The following PDZRN3 variants were observed in gnomAD, a reference collection of about 807,000 sequenced individuals.
PDZRN3 encodes the protein PDZ domain containing ring finger 3.
In PDZRN3, 38 loss-of-function variants were observed where a neutral mutation model predicts 85.7. The observed-to-expected ratio is 0.44, with a 90% CI of 0.34 to 0.58. The LOEUF (loss-of-function observed/expected upper bound fraction) is 0.58, where lower values mean the gene tolerates loss of function less well. PDZRN3 is among the 20% of genes least tolerant of loss of function. The probability of loss-of-function intolerance (pLI) is 0.01; values close to 1 mark genes in which losing one functional copy is unlikely to be tolerated. For synonymous variants in PDZRN3, 759 were observed against 638.0 expected (o/e 1.19, Z -2.86); for missense variants, 1,629 against 1,506.4 (o/e 1.08, Z -1.35).
intron 8 of PDZRN3, among the ~76,000 whole-genome samples, chr3:73,386,225 A>ATTTTTTTTTTTTT (rs1576018763): frequency 7.8e-5 from 3 of 38,644 alleles, no homozygotes; most frequent in Admixed American, 2.6e-4. Flanking sequence ...GCAAGATATC[A>ATTTTTTTTTTTTT]CTTTTTTTTT....
At chr3:73,520,631 G>A (rs781245612) in intron 3 of PDZRN3, among the ~76,000 whole-genome samples, 2 of 152,088 alleles carry the variant, frequency 1.3e-5, no homozygotes, top group East Asian at 1.9e-4. Context: ...GCAGAGGGGC[G>A]GGAAAAGGAA....
chr3:73,389,373 C>T (rs1297083438), intron 7 of PDZRN3, among the ~76,000 whole-genome samples: 2 of 152,146 alleles, frequency 1.3e-5, no homozygotes, highest in Non-Finnish European at 2.9e-5. Context: ...ATCGATGCTG[C>T]TAAATTTGCC....
At chr3:73,536,301 T>C (rs926708230) in intron 3 of PDZRN3, among the ~76,000 whole-genome samples, 5 of 152,248 alleles carry the variant, frequency 3.3e-5, no homozygotes, top group Admixed American at 1.3e-4. Context: ...TTCCATATTC[T>C]CCTGGTGTCC....
rs772633834 is a variant in PDZRN3, at chr3:73,383,433, T to A, written c.3133A>T (p.Thr1045Ser). Reference sequence around the variant, plus strand: ...CCGTCCGGGGATTTTGTGCCGTGGGTTAAGAGTTCTTGGATCGTCATCCAG... The same window carrying A: ...CCGTCCGGGGATTTTGTGCCGTGGGATAAGAGTTCTTGGATCGTCATCCAG... Reference protein sequence around the residue: ...DNWMTIQELLTHGTKSPDGTR... With the variant: ...DNWMTIQELLSHGTKSPDGTR... Residue 1045 changes from threonine to serine, a missense_variant, in exon 10 of 10, where the codon ACC becomes TCC. Coordinates refer to ENST00000263666, the MANE Select transcript of PDZRN3 (RefSeq NM_015009.3). The A allele has an allele frequency of 5.6e-6, 9 of 1,614,058 alleles. No individual in the cohort carries two copies. The highest frequency in any genetic ancestry group is 5.1e-6 in the Non-Finnish European group (6 of 1,180,014).
intron 3 of PDZRN3, among the ~76,000 whole-genome samples, chr3:73,546,240 G>C (rs895210111): frequency 1.3e-5 from 2 of 152,214 alleles, no homozygotes; most frequent in Non-Finnish European, 2.9e-5. Context: ...GCGACCCAGT[G>C]AGGGTATTAA....
At chr3:73,419,453 A>G (rs1384969923) in intron 3 of PDZRN3, among the ~76,000 whole-genome samples, 1 of 152,212 alleles carries the variant, frequency 6.6e-6, no homozygotes, top group Admixed American at 6.5e-5. Context: ...AGAAACAGAA[A>G]TGAGCATGCT....
At chr3:73,431,544 G>A (rs1702431590) in intron 3 of PDZRN3, among the ~76,000 whole-genome samples, 1 of 152,186 alleles carries the variant, frequency 6.6e-6, no homozygotes. Context: ...TAATAAGAGC[G>A]AGAATGCAAT....
chr3:73,617,113 G>A (rs1205239537), intron 1 of PDZRN3, among the ~76,000 whole-genome samples: 2 of 152,150 alleles, frequency 1.3e-5, no homozygotes, highest in African/African-American at 4.8e-5. Flanking sequence ...TACTAGGGGT[G>A]ATCTCCTGCC....
intron 3 of PDZRN3, among the ~76,000 whole-genome samples, chr3:73,520,002 G>A (rs907312890): frequency 6.6e-5 from 10 of 152,088 alleles, no homozygotes; most frequent in South Asian, 2.1e-4. Flanking sequence ...TGGGGGTGGC[G>A]CACTGCAAAA....
intron 3 of PDZRN3, among the ~76,000 whole-genome samples, chr3:73,589,581 A>G (rs1360586627): frequency 2.6e-5 from 4 of 152,156 alleles, no homozygotes; most frequent in Non-Finnish European, 5.9e-5. Flanking sequence ...AGATTTACTA[A>G]GTCTATCAAG....
intron 3 of PDZRN3, among the ~76,000 whole-genome samples, chr3:73,557,340 C>T (rs1044571437): frequency 6.6e-6 from 1 of 152,324 alleles, no homozygotes; most frequent in South Asian, 2.1e-4. Context: ...ATATTAGAGA[C>T]AACAGCTGCT....
In PDZRN3 at chr3:73,388,037, C is replaced by T; in HGVS notation, c.1449G>A (p.Glu483=). 1 of 1,551,396 alleles carries T rather than the reference C, an allele frequency of 6.4e-7. No individual in the cohort carries two copies. The highest frequency in any genetic ancestry group is 8.8e-7 in the Non-Finnish European group (1 of 1,135,250). The change falls in exon 8 of 10, where the codon GAG becomes GAA. Residue 483 remains glutamate (E), a synonymous_variant. Coordinates refer to ENST00000263666, the MANE Select transcript of PDZRN3 (RefSeq NM_015009.3). ...CTTCACTGGTTAGAAGAGCCACAGC[C>T]TCTTCACGGTTCTGCACCTCTATCC... The part of the protein sequence containing the change: ...INGIEVQNRE[E]AVALLTSEEN...
At chr3:73,505,364 T>C (rs1170584810) in intron 3 of PDZRN3, among the ~76,000 whole-genome samples, 1 of 152,158 alleles carries the variant, frequency 6.6e-6, no homozygotes. Flanking sequence ...CACCCAACTA[T>C]CTTTACTCCA....
intron 3 of PDZRN3, among the ~76,000 whole-genome samples, chr3:73,472,771 T>C (rs901992265): frequency 1.3e-5 from 2 of 152,188 alleles, no homozygotes; most frequent in Non-Finnish European, 2.9e-5. Context: ...GAAAAACAAA[T>C]TATGGGTAGC....
intron 1 of PDZRN3, among the ~76,000 whole-genome samples, chr3:73,620,812 G>A (rs1219284737): frequency 6.6e-6 from 1 of 152,040 alleles, no homozygotes; most frequent in African/African-American, 2.4e-5. Context: ...TCCTGATCTC[G>A]TGATCCGCCT....
chr3:73,410,093 C>T (rs1701935443), intron 3 of PDZRN3, among the ~76,000 whole-genome samples: 1 of 152,072 alleles, frequency 6.6e-6, no homozygotes, highest in South Asian at 2.1e-4. Flanking sequence ...TGTTTTCAAA[C>T]TAATTAAAAC....
At chr3:73,565,318 CGGG>C in intron 3 of PDZRN3, among the ~76,000 whole-genome samples, 1 of 151,864 alleles carries the variant, frequency 6.6e-6, no homozygotes, top group South Asian at 2.1e-4. Context: ...TTGGTAGAGA[CGGG>C]GTTTCACTAT....
At chr3:73,447,736 G>A (rs770002217) in intron 3 of PDZRN3, among the ~76,000 whole-genome samples, 17 of 152,226 alleles carry the variant, frequency 1.1e-4, no homozygotes, top group East Asian at 1.9e-4. Flanking sequence ...ACTTACCGGC[G>A]GAACTGAGAT....
intron 3 of PDZRN3, among the ~76,000 whole-genome samples, chr3:73,455,899 A>C (rs907886821): frequency 2.6e-5 from 4 of 152,222 alleles, no homozygotes; most frequent in African/African-American, 9.6e-5. Context: ...ATGTCCATGC[A>C]CAAAAATAAT....
Sources: allele counts gnomAD v4.1 joint callset (sites outside exome capture counted in the v4.1 genomes callset), GRCh38; gene constraint gnomAD v4.1.1; transcripts MANE v1.5; gene names NCBI Gene and HGNC (gene_info 2026-07-23, HGNC 2026-07-21).